Variants in MYOM1 observed in about 807,000 individuals in gnomAD.
MYOM1 encodes the protein myomesin-1.
Under a neutral mutation model 205.3 loss-of-function variants are expected in MYOM1, and 164 were observed. The observed-to-expected ratio is 0.80, with a 90% CI of 0.70 to 0.91. The LOEUF is 0.91. Among genes scored for constraint, MYOM1 ranks in the 40% least tolerant of loss-of-function variants. MYOM1 has a pLI of 0.00. For missense variants in MYOM1, 2,011 were observed against 2,127.3 expected (o/e 0.95, Z 1.08); for synonymous variants, 772 against 789.4 (o/e 0.98, Z 0.37).
Position 3,105,031 on chromosome 18 carries a change from G to A in MYOM1, c.3419-2401C>T, listed in dbSNP as rs539374476. On this transcript the variant is annotated intron_variant, in intron 22 of 37. Transcript: ENST00000356443. ...CCCAAAGTGCTGGGATTACAGACAT[G>A]AGCCACTGTGCCCAGCCTTGGAGTC... Among the ~76,000 whole-genome samples the A allele has an allele frequency of 4.6e-5, 7 of 152,244 alleles. No individual in the cohort carries two copies. In the South Asian group the frequency reaches 1.2e-3, roughly 27 times the overall value.
intron 2 of MYOM1, among the ~76,000 whole-genome samples, chr18:3,213,625 C>T (rs1170655745): frequency 1.3e-5 from 2 of 152,332 alleles, no homozygotes; most frequent in East Asian, 3.9e-4. Context: ...ACATTTCTCC[C>T]AGGGACGTTG....
chr18:3,125,968 C>T (rs571642897), intron 19 of MYOM1, among the ~76,000 whole-genome samples: 1 of 151,992 alleles, frequency 6.6e-6, no homozygotes, highest in East Asian at 1.9e-4. Context: ...GTAATTTGGA[C>T]ACTGAAAGTT....
At chr18:3,165,966 T>C (rs10221436) in intron 9 of MYOM1, among the ~76,000 whole-genome samples, 28,548 of 152,192 alleles carry the variant, frequency 0.19, 3,101 homozygotes, top group East Asian at 0.28. Context: ...CACCTGCAGC[T>C]TGGTGCTCAC....
rs750984112 is a variant in MYOM1 at position 3,129,490 on chromosome 18, C to T, written c.2536G>A (p.Ala846Thr). 7.4e-6 allele frequency: 12 copies of T among 1,613,340 alleles called. No individual in the cohort carries two copies. The Middle Eastern group carries it at 4.9e-4, about 66-fold the overall frequency. Residue 846 changes from alanine to threonine, a missense_variant, in exon 18 of 38, where the codon GCA (alanine) becomes ACA (threonine). Physicochemically the swap from Ala to Thr is moderately conservative, Grantham distance 58. Coordinates refer to ENST00000356443, the MANE Select transcript of MYOM1 (RefSeq NM_003803.4). ...GGGVSPDVCP[A>T]LSDEPGGLTA... ...AGTCCACCAGGCTCATCGCTCAGTGCGGGACACACATCTGGAGACACTCCT... is the reference window on the plus strand; with the variant it reads ...AGTCCACCAGGCTCATCGCTCAGTGTGGGACACACATCTGGAGACACTCCT...
At chr18:3,229,601 T>G in the MYOM1 span, among the ~76,000 whole-genome samples, 2 of 152,186 alleles carry the variant, frequency 1.3e-5, no homozygotes, top group African/African-American at 2.4e-5. Context: ...ATCAACCAAA[T>G]ATGAATGTAC....
the MYOM1 span, among the ~76,000 whole-genome samples, chr18:3,238,586 GTTGT>G: frequency 6.6e-5 from 10 of 152,292 alleles, no homozygotes; most frequent in African/African-American, 2.4e-4. Context: ...GCGAGTTTTT[GTTGT>G]TTGTTTGTGA....
At chr18:3,199,348 T>C (rs933624390) in intron 2 of MYOM1, among the ~76,000 whole-genome samples, 1 of 152,112 alleles carries the variant, frequency 6.6e-6, no homozygotes. Flanking sequence ...GATTGGTAGA[T>C]CAGCCAGAAA....
At position 3,129,339 on chromosome 18, in the gene MYOM1, A is replaced by T; in HGVS notation, c.2687T>A (p.Val896Glu). Residue 896 changes from valine to glutamate, a missense_variant, in exon 18 of 38, where the codon GTG becomes GAG. Physicochemically the swap from Val to Glu is moderately radical, Grantham distance 121. Coordinates refer to ENST00000356443, the MANE Select transcript of MYOM1 (RefSeq NM_003803.4). The stretch of plus-strand genomic sequence containing the variant: ...CTGAACTGTTTCACTTACTTTACTC[A>T]CTTCTGTTTGGCCCAGGTTTTGAGA... ...SSSQNLGQTE[V>E]SKVSETVQEE... 1 of 1,613,676 alleles carries T rather than the reference A, an allele frequency of 6.2e-7. No individual in the cohort carries two copies. The highest frequency in any genetic ancestry group is 8.5e-7 in the Non-Finnish European group (1 of 1,179,840).
intron 33 of MYOM1, among the ~76,000 whole-genome samples, chr18:3,082,343 C>T (rs1598652577): frequency 1.3e-5 from 2 of 152,318 alleles, no homozygotes; most frequent in East Asian, 1.9e-4. Context: ...CTAGGCTCAG[C>T]CTTGACCTAC....
At position 3,174,204 on chromosome 18, in the gene MYOM1, C is replaced by T. The variant is rs746527079; in HGVS notation, c.1027G>A (p.Asp343Asn). 3 of 1,612,622 alleles carry T rather than the reference C, an allele frequency of 1.9e-6. No individual in the cohort carries two copies. The Admixed American group carries it at 5.0e-5, about 27-fold the overall frequency. ...GMHTLEINGC[D>N]FEDTAQYRAS... ...CGGTACTGAGCTGTATCTTCAAAAT[C>T]ACATCTGAAAGAACAGACGGAAATG... Residue 343 changes from aspartate (D) to asparagine (N), a missense_variant, in exon 7 of 38, where the codon GAT (aspartate) becomes AAT (asparagine). Physicochemically the swap from Asp to Asn is conservative, Grantham distance 23. Transcript: ENST00000356443.
chr18:3,109,280 G>C (rs1266240015), intron 22 of MYOM1, among the ~76,000 whole-genome samples: 1 of 152,168 alleles, frequency 6.6e-6, no homozygotes, highest in Admixed American at 6.5e-5. Flanking sequence ...ACCGTACCTA[G>C]CCAAATTTTC....
the MYOM1 span, among the ~76,000 whole-genome samples, chr18:3,231,147 T>C: frequency 2.0e-5 from 3 of 152,160 alleles, no homozygotes; most frequent in African/African-American, 7.2e-5. Context: ...ATTTCTGATC[T>C]AAAGGTAACA....
chr18:3,104,745 C>CTTTTTTTTT (rs745369627), intron 22 of MYOM1, among the ~76,000 whole-genome samples: 6 of 80,586 alleles, frequency 7.4e-5, no homozygotes, highest in Non-Finnish European at 1.3e-4. Context: ...GAATTGGAAT[C>CTTTTTTTTT]TTTTTTTTTT....
intron 4 of MYOM1, among the ~76,000 whole-genome samples, chr18:3,188,461 A>AAACAAAAAC (rs1555628402): frequency 2.0e-5 from 3 of 150,608 alleles, no homozygotes; most frequent in African/African-American, 7.4e-5. Flanking sequence ...TACCAGAAAA[A>AAACAAAAAC]AAAAAACAAC....
At chr18:3,246,226 T>G in the MYOM1 span, 2 of 152,236 alleles carry the variant, frequency 1.3e-5, no homozygotes, top group Non-Finnish European at 2.9e-5. Flanking sequence ...GAGGTGTCCA[T>G]GCATTGCAAG....
At chr18:3,149,270 T>C (rs948228428) in intron 12 of MYOM1, 69 bp from the exon 13 acceptor site, 6 of 1,352,906 alleles carry the variant, frequency 4.4e-6, no homozygotes, top group East Asian at 2.3e-5. Flanking sequence ...CACTGATGAA[T>C]TGGGAAAGTG....
Position 3,215,202 on chromosome 18 carries a change from T to G in MYOM1, c.22A>C (p.Arg8=). The G allele has an allele frequency of 6.2e-7, 1 of 1,611,874 alleles. No individual in the cohort carries two copies. Among genetic ancestry groups the G allele is most frequent in the Non-Finnish European group, 8.5e-7 (1 of 1,178,916 alleles). ...CTGAGATCATAGTGCTGGTGGCACC[T>G]CTGATAAAAAGGCAAAGACATCCTG... MSLPFYQ[R]CHQHYDLSYR... The change falls in exon 2 of 38, where the codon AGG becomes CGG. Residue 8 remains arginine, a synonymous_variant. Transcript: ENST00000356443.
At chr18:3,079,964 C>G (rs1417850902) in intron 33 of MYOM1, among the ~76,000 whole-genome samples, 1 of 152,014 alleles carries the variant, frequency 6.6e-6, no homozygotes, top group African/African-American at 2.4e-5. Context: ...ATGAGCAGAC[C>G]CATGCAATAT....
At chr18:3,166,363 C>T (rs533977267) in intron 9 of MYOM1, among the ~76,000 whole-genome samples, 2 of 151,764 alleles carry the variant, frequency 1.3e-5, no homozygotes, top group African/African-American at 4.8e-5. Flanking sequence ...CTCCGCCTCC[C>T]GGGTTCAAGC....
Sources: gnomAD v4.1 joint callset for allele counts (sites outside exome capture counted in the v4.1 genomes callset) on GRCh38, gnomAD v4.1.1 for gene constraint, MANE v1.5 for transcripts, NCBI Gene and HGNC (gene_info 2026-07-23, HGNC 2026-07-21) for gene names.